LRP1B: variants seen among roughly 807,000 people sequenced by gnomAD.
LRP1B encodes low-density lipoprotein receptor-related protein 1B.
A neutral mutation model predicts 556.6 loss-of-function variants in LRP1B; 217 were observed. The observed-to-expected ratio is 0.39, with a 90% confidence interval of 0.35 to 0.44. The LOEUF (loss-of-function observed/expected upper bound fraction) is 0.44. Among genes scored for constraint, LRP1B ranks in the 20% least tolerant of loss-of-function variants. The pLI is 1.00. For missense variants in LRP1B, 5,053 were observed against 5,620.8 expected (o/e 0.90, Z 3.23); for synonymous variants, 2,047 against 1,865.8 (o/e 1.10, Z -2.50).
At chr2:141,546,464 C>T (rs1050961450) in intron 2 of LRP1B, among the ~76,000 whole-genome samples, 1 of 152,108 alleles carries the variant, frequency 6.6e-6, no homozygotes, top group African/African-American at 2.4e-5. Flanking sequence ...CATCATGGGT[C>T]CCATCTTCTC....
At chr2:140,999,091 A>T (rs1697336617) in intron 15 of LRP1B, among the ~76,000 whole-genome samples, 1 of 152,100 alleles carries the variant, frequency 6.6e-6, no homozygotes, top group South Asian at 2.1e-4. Context: ...CATATCTTTG[A>T]AAAACCTTTA....
chr2:141,046,956 C>A (rs975390596), intron 11 of LRP1B, among the ~76,000 whole-genome samples: 1 of 152,030 alleles, frequency 6.6e-6, no homozygotes, highest in Non-Finnish European at 1.5e-5. Flanking sequence ...ATGGTGCACA[C>A]CTGCAATCCC....
intron 2 of LRP1B, among the ~76,000 whole-genome samples, chr2:141,637,436 A>G (rs1689142534): frequency 6.6e-6 from 1 of 152,236 alleles, no homozygotes; most frequent in African/African-American, 2.4e-5. Context: ...GGCTGAAGAC[A>G]TCAGGCCAGC....
At chr2:141,011,623 C>G (rs999995803) in intron 14 of LRP1B, among the ~76,000 whole-genome samples, 2 of 151,904 alleles carry the variant, frequency 1.3e-5, no homozygotes, top group African/African-American at 4.8e-5. Context: ...AATTATCAAT[C>G]AGTTATTCTC....
At chr2:140,312,274 C>T (rs1354240063) in intron 83 of LRP1B, among the ~76,000 whole-genome samples, 1 of 151,964 alleles carries the variant, frequency 6.6e-6, no homozygotes, top group Non-Finnish European at 1.5e-5. Context: ...TCTACTTCCC[C>T]TCAGCATAAC....
chr2:141,186,069 A>G lies in LRP1B; in HGVS notation c.1013+2352T>C, dbSNP rs184125149. Among the ~76,000 whole-genome samples the G allele has an allele frequency of 5.9e-3, 502 of 85,494 alleles. 6 individuals are homozygous for G. Among genetic ancestry groups the G allele is most frequent in the African/African-American group, 0.021 (469 of 22,338 alleles). The allele number at this position is 85,494 out of a possible 152,430, so 56.1% of individuals were successfully genotyped here. A position where few individuals can be genotyped will look rare whatever the true frequency, so the allele number is the denominator to read the frequency against. On this transcript the variant is annotated intron_variant, in intron 7 of 90. Coordinates refer to ENST00000389484, the MANE Select transcript of LRP1B (RefSeq NM_018557.3). ...ACTCCAGCTTGAGCGATAGAACGAG[A>G]CTCTGTCTCAAAAAAAAAAAAAAAA... is the stretch of plus-strand genomic sequence containing the variant.
At chr2:141,327,763 A>C (rs1381104173) in intron 3 of LRP1B, among the ~76,000 whole-genome samples, 4 of 152,096 alleles carry the variant, frequency 2.6e-5, no homozygotes. Flanking sequence ...AATATAGATA[A>C]ATTTCTTAGG....
intron 12 of LRP1B, among the ~76,000 whole-genome samples, chr2:141,017,418 T>A (rs910844998): frequency 1.3e-5 from 2 of 151,322 alleles, no homozygotes; most frequent in African/African-American, 2.4e-5. Flanking sequence ...GGCAACATGT[T>A]TTTTTTTTCT....
chr2:140,816,608 T>C (rs1691132710), intron 31 of LRP1B, among the ~76,000 whole-genome samples: 1 of 152,170 alleles, frequency 6.6e-6, no homozygotes, highest in Non-Finnish European at 1.5e-5. Context: ...TCTCTATATA[T>C]ATGTATGCAT....
chr2:141,660,843 T>C (rs1690190173), intron 2 of LRP1B, among the ~76,000 whole-genome samples: 1 of 152,108 alleles, frequency 6.6e-6, no homozygotes, highest in African/African-American at 2.4e-5. Context: ...TTTTGTTAAG[T>C]GGGTCCCTGA....
At chr2:140,786,280 A>G (rs959183774) in intron 32 of LRP1B, among the ~76,000 whole-genome samples, 19 of 152,366 alleles carry the variant, frequency 1.2e-4, no homozygotes, top group Admixed American at 1.2e-3. Flanking sequence ...CAAAACATGG[A>G]AGAAAATAAC....
At chr2:141,815,346 G>A (rs1056101340) in intron 1 of LRP1B, among the ~76,000 whole-genome samples, 6 of 152,206 alleles carry the variant, frequency 3.9e-5, no homozygotes, top group Admixed American at 3.9e-4. Flanking sequence ...GGTGAAGCCA[G>A]CTGGGTCGAG....
At chr2:142,115,187 A>C (rs1388404471) in intron 1 of LRP1B, among the ~76,000 whole-genome samples, 3 of 151,830 alleles carry the variant, frequency 2.0e-5, no homozygotes, top group Non-Finnish European at 2.9e-5. Context: ...GAAGTCTGTA[A>C]AATTTCAACA....
At chr2:141,768,004 G>A (rs924222838) in intron 2 of LRP1B, among the ~76,000 whole-genome samples, 3 of 152,046 alleles carry the variant, frequency 2.0e-5, no homozygotes, top group African/African-American at 7.2e-5. Context: ...GAAGAATCTG[G>A]GGGACAATAT....
rs75061730 is a variant in LRP1B at position 141,709,630 on chromosome 2, A to G, written c.205+100649T>C. On this transcript the variant is annotated intron_variant, in intron 2 of 90. Transcript: ENST00000389484. ...ACGTATGAGTAAGTTAGAAATGTGTACATCAGATTATCAGAATCTTTTCTG... is the reference window on the plus strand; with the variant it reads ...ACGTATGAGTAAGTTAGAAATGTGTGCATCAGATTATCAGAATCTTTTCTG... Among the ~76,000 whole-genome samples, 566 of 152,274 alleles carry G rather than the reference A, an allele frequency of 3.7e-3. 3 individuals are homozygous for G. Among genetic ancestry groups the G allele is most frequent in the African/African-American group, 0.013 (541 of 41,566 alleles).
intron 45 of LRP1B, among the ~76,000 whole-genome samples, chr2:140,540,536 G>A (rs1334318445): frequency 6.6e-6 from 1 of 152,060 alleles, no homozygotes; most frequent in South Asian, 2.1e-4. Context: ...CACATAAGCT[G>A]CATGAGCCAT....
chr2:140,378,133 G>A (rs2105182503), intron 68 of LRP1B, 47 bp downstream of exon 68: 1 of 1,223,784 alleles, frequency 8.2e-7, no homozygotes, highest in Non-Finnish European at 1.2e-6. Context: ...AATTACAAAT[G>A]TGGTTCTAAA....
rs544660791 is a variant in LRP1B at position 140,319,079 on chromosome 2, C to T, written c.12640+2884G>A. Among the ~76,000 whole-genome samples the T allele has an allele frequency of 1.5e-4, 23 of 152,184 alleles. 1 individual carries two copies. In the East Asian group the frequency reaches 4.3e-3, roughly 28 times the overall value. On this transcript the variant is annotated intron_variant, in intron 82 of 90. Coordinates refer to ENST00000389484, the MANE Select transcript of LRP1B (RefSeq NM_018557.3). ...CCTAATCTAAAGCTTCATCTCAGCC[C>T]TGTACTAGGTCATGTCCTTGCAGGG...
intron 2 of LRP1B, among the ~76,000 whole-genome samples, chr2:141,714,681 G>A (rs1692508551): frequency 6.6e-6 from 1 of 152,100 alleles, no homozygotes; most frequent in Admixed American, 6.5e-5. Flanking sequence ...CTGGCAGGAA[G>A]CTGCATTCTG....
Sources: allele counts gnomAD v4.1 joint callset (sites outside exome capture counted in the v4.1 genomes callset), GRCh38; gene constraint gnomAD v4.1.1; transcripts MANE v1.5; gene names NCBI Gene and HGNC (gene_info 2026-07-23, HGNC 2026-07-21).